The following NCKAP1 variants were observed in gnomAD, a reference collection of about 807,000 sequenced individuals.
The protein encoded by NCKAP1 is NCK associated protein 1.
In NCKAP1, 21 loss-of-function variants were observed where a neutral mutation model predicts 151.2. The observed-to-expected ratio is 0.14, with a 90% CI of 0.10 to 0.20. The LOEUF (loss-of-function observed/expected upper bound fraction) is 0.20. Ranked by LOEUF, NCKAP1 falls within the 10% of genes least tolerant of loss-of-function variation. NCKAP1 has a pLI of 1.00. For synonymous variants in NCKAP1, 484 were observed against 451.8 expected (o/e 1.07, Z -0.90); for missense variants, 933 against 1,352.1 (o/e 0.69, Z 4.86).
chr2:183,021,918 A>G (rs1698804720), intron 2 of NCKAP1, among the ~76,000 whole-genome samples: 1 of 152,186 alleles, frequency 6.6e-6, no homozygotes, highest in African/African-American at 2.4e-5. Context: ...GAAACTGTAC[A>G]CTTTGAATGG....
chr2:182,942,279 C>A, intron 23 of NCKAP1, 116 bp from the exon 24 acceptor site: 1 of 689,592 alleles, frequency 1.5e-6, no homozygotes, highest in Non-Finnish European at 2.5e-6. Flanking sequence ...GAAATCCAGA[C>A]GCTCTATGCT....
At chr2:182,941,288 TTTAATAC>T (rs1209437108) in intron 24 of NCKAP1, among the ~76,000 whole-genome samples, 3 of 152,210 alleles carry the variant, frequency 2.0e-5, no homozygotes, top group Non-Finnish European at 4.4e-5. Context: ...TTGAACACAC[TTTAATAC>T]TTAAGATTCA....
chr2:182,977,147 A>C (rs1697840203), intron 14 of NCKAP1, among the ~76,000 whole-genome samples, 196 bp from the exon 15 acceptor site: 1 of 152,190 alleles, frequency 6.6e-6, no homozygotes, highest in Non-Finnish European at 1.5e-5. Context: ...GGTAGAAGCA[A>C]CTTAAATTTC....
chr2:183,038,415 T>TGTGGCGGCG lies in NCKAP1; in HGVS notation c.-325_-317dup. 4.7e-6 allele frequency: 1 copy of TGTGGCGGCG among 212,528 alleles called. No individual in the cohort carries two copies. The highest frequency in any genetic ancestry group is 1.5e-4 in the South Asian group (1 of 6,828). The allele number at this position is 212,528 out of a possible 1,614,324, so 13.2% of individuals were successfully genotyped here. On this transcript the variant is annotated 5_prime_UTR_variant, in exon 1 of 31. Transcript: ENST00000361354. ...CGCCTTCCCCGGCTGCTCCACTAGG[T>TGTGGCGGCG]GTGGCGGCGGCGGCGGCGGCGGCGG...
At chr2:182,973,070 T>C (rs1362427168) in intron 15 of NCKAP1, among the ~76,000 whole-genome samples, 2 of 152,160 alleles carry the variant, frequency 1.3e-5, no homozygotes, top group Non-Finnish European at 2.9e-5. Flanking sequence ...TGATATGTGT[T>C]TGAGGTGATG....
intron 21 of NCKAP1, 87 bp from the exon 22 acceptor site, chr2:182,953,010 T>C: frequency 1.3e-6 from 2 of 1,487,018 alleles, no homozygotes; most frequent in Non-Finnish European, 9.1e-7. Flanking sequence ...AATTTTAAGT[T>C]GACTGATAAT....
At chr2:182,989,944 C>A (rs1698134139) in intron 8 of NCKAP1, among the ~76,000 whole-genome samples, 2 of 150,434 alleles carry the variant, frequency 1.3e-5, no homozygotes, top group African/African-American at 4.9e-5. Context: ...GAGCCGAGAT[C>A]ATGCCACTGC....
At chr2:183,034,926 T>C (rs1699074063) in intron 1 of NCKAP1, among the ~76,000 whole-genome samples, 1 of 152,082 alleles carries the variant, frequency 6.6e-6, no homozygotes, top group Admixed American at 6.5e-5. Flanking sequence ...TACTAACCAA[T>C]GTTAGAGAAC....
chr2:183,030,603 C>A (rs1183108895), intron 1 of NCKAP1, among the ~76,000 whole-genome samples: 2 of 151,966 alleles, frequency 1.3e-5, no homozygotes, highest in East Asian at 1.9e-4. Flanking sequence ...AATTTAGACT[C>A]GAAAGAGGAA....
chr2:182,979,766 T>A (rs1697900948), intron 13 of NCKAP1, among the ~76,000 whole-genome samples: 1 of 152,054 alleles, frequency 6.6e-6, no homozygotes, highest in Non-Finnish European at 1.5e-5. Flanking sequence ...GGCTTTGGAG[T>A]CAAAACTTGA....
intron 2 of NCKAP1, among the ~76,000 whole-genome samples, chr2:183,004,500 A>C (rs1698430999): frequency 6.6e-6 from 1 of 151,612 alleles, no homozygotes; most frequent in Non-Finnish European, 1.5e-5. Context: ...AAAAAAAAAA[A>C]AAAAAAACAG....
chr2:182,939,584 A>T (rs2105809001), intron 24 of NCKAP1, among the ~76,000 whole-genome samples: 1 of 152,222 alleles, frequency 6.6e-6, no homozygotes, highest in South Asian at 2.1e-4. Flanking sequence ...AATAAATTCC[A>T]GATTGCCTCC....
chr2:182,971,053 T>C (rs1317865533), intron 15 of NCKAP1, among the ~76,000 whole-genome samples: 2 of 151,248 alleles, frequency 1.3e-5, no homozygotes, highest in African/African-American at 2.4e-5. Context: ...ATCTCTACAA[T>C]GAAAGCTATA....
chr2:182,929,995 C>G (rs1257034080), intron 27 of NCKAP1, among the ~76,000 whole-genome samples: 1 of 151,802 alleles, frequency 6.6e-6, no homozygotes, highest in Non-Finnish European at 1.5e-5. Flanking sequence ...AACAGAATAC[C>G]CTTTCCTAGA....
chr2:182,956,604 TTAA>T lies in NCKAP1; in HGVS notation c.2022-14_2022-12del. ...TGCAATTTATCAAGGCTGAAAAAAA[TTAA>T]TAAACAGTTAAAATGTTCACATGTC... On this transcript the variant is annotated splice_polypyrimidine_tract_variant and intron_variant, in intron 19 of 30. Transcript: ENST00000361354. 1.3e-6 allele frequency: 2 copies of T among 1,594,354 alleles called. No homozygotes were observed. The highest frequency in any genetic ancestry group is 1.7e-6 in the Non-Finnish European group (2 of 1,173,282).
intron 2 of NCKAP1, among the ~76,000 whole-genome samples, chr2:183,012,260 A>C (rs928687871): frequency 2.0e-5 from 3 of 152,216 alleles, no homozygotes; most frequent in African/African-American, 7.2e-5. Context: ...CAGAACTTCT[A>C]AGAGTGGTGA....
At chr2:182,995,877 C>A (rs772223453) in intron 6 of NCKAP1, 39 bp from the exon 7 acceptor site, 2 of 1,542,542 alleles carry the variant, frequency 1.3e-6, no homozygotes, top group Admixed American at 1.7e-5. Context: ...GAATAATTTT[C>A]TTTCCTTTTC....
chr2:182,977,508 T>TA (rs1697850064), intron 14 of NCKAP1, among the ~76,000 whole-genome samples: 1 of 151,880 alleles, frequency 6.6e-6, no homozygotes, highest in African/African-American at 2.4e-5. Flanking sequence ...AATAAATAAA[T>TA]ATCATGCACT....
chr2:182,998,002 T>G (rs1698302504), intron 6 of NCKAP1, among the ~76,000 whole-genome samples: 2 of 152,216 alleles, frequency 1.3e-5, no homozygotes, highest in Non-Finnish European at 2.9e-5. Context: ...GCTTTATTCC[T>G]GGGATGCAAG....
Sources: gnomAD v4.1 joint callset for allele counts (sites outside exome capture counted in the v4.1 genomes callset) on GRCh38, gnomAD v4.1.1 for gene constraint, MANE v1.5 for transcripts, NCBI Gene and HGNC (gene_info 2026-07-23, HGNC 2026-07-21) for gene names.